The following BMP6 variants were observed in gnomAD, a reference collection of about 807,000 sequenced individuals.
BMP6 encodes the protein VG-1-R.
Under a neutral mutation model 54.1 loss-of-function variants are expected in BMP6, and 17 were observed. The observed-to-expected ratio is 0.31, with a 90% CI of 0.22 to 0.47. The LOEUF is 0.47. Among genes scored for constraint, BMP6 ranks in the 20% least tolerant of loss-of-function variants. The probability of loss-of-function intolerance (pLI) is 1.00; values close to 1 mark genes in which losing one functional copy is unlikely to be tolerated. For synonymous variants in BMP6, 328 were observed against 291.2 expected, an observed-to-expected ratio of 1.13 and a Z score of -1.28; for missense variants, 720 against 690.4, an observed-to-expected ratio of 1.04 and a Z score of -0.48.
intron 1 of BMP6, among the ~76,000 whole-genome samples, chr6:7,735,166 C>T (rs753372191): frequency 6.6e-6 from 1 of 152,242 alleles, no homozygotes; most frequent in South Asian, 2.1e-4. Context: ...ATATCCGCCA[C>T]GGGCCTTATT....
At chr6:7,811,607 G>T (rs937074413) in intron 1 of BMP6, among the ~76,000 whole-genome samples, 1 of 152,134 alleles carries the variant, frequency 6.6e-6, no homozygotes, top group Non-Finnish European at 1.5e-5. Flanking sequence ...TTCTGAAATG[G>T]GGCCTAAGTT....
intron 1 of BMP6, among the ~76,000 whole-genome samples, chr6:7,783,426 A>C (rs1757976425): frequency 6.6e-6 from 1 of 152,202 alleles, no homozygotes; most frequent in Non-Finnish European, 1.5e-5. Context: ...TGGGTCTGAA[A>C]AGTCTTAACT....
At chr6:7,811,306 G>A (rs1758432394) in intron 1 of BMP6, among the ~76,000 whole-genome samples, 1 of 152,302 alleles carries the variant, frequency 6.6e-6, no homozygotes, top group South Asian at 2.1e-4. Flanking sequence ...GGCCCCAGAA[G>A]TCCAGGACAC....
intron 4 of BMP6, among the ~76,000 whole-genome samples, chr6:7,864,683 G>A (rs895273690): frequency 1.3e-5 from 2 of 152,128 alleles, no homozygotes; most frequent in Non-Finnish European, 2.9e-5. Flanking sequence ...TGGAGCTTGA[G>A]GATCCACCGC....
At chr6:7,792,479 C>T (rs1758125699) in intron 1 of BMP6, among the ~76,000 whole-genome samples, 2 of 152,126 alleles carry the variant, frequency 1.3e-5, no homozygotes, top group Non-Finnish European at 2.9e-5. Context: ...CACCTGTGTC[C>T]CCCACTGGAC....
intron 1 of BMP6, among the ~76,000 whole-genome samples, chr6:7,814,779 A>G (rs568341077): frequency 3.9e-5 from 6 of 152,262 alleles, no homozygotes; most frequent in Non-Finnish European, 5.9e-5. Flanking sequence ...ATGAAAACAC[A>G]TGGACACAAG....
intron 1 of BMP6, among the ~76,000 whole-genome samples, chr6:7,838,507 C>G (rs539389117): frequency 1.3e-4 from 20 of 152,282 alleles, no homozygotes; most frequent in African/African-American, 3.4e-4. Context: ...TCATTAGGTC[C>G]AATGCTTTGC....
intron 1 of BMP6, among the ~76,000 whole-genome samples, chr6:7,840,903 A>G (rs1433700139): frequency 6.6e-6 from 1 of 152,212 alleles, no homozygotes; most frequent in Non-Finnish European, 1.5e-5. Flanking sequence ...GGCCTTTCAC[A>G]GAATGCCTCA....
intron 1 of BMP6, among the ~76,000 whole-genome samples, chr6:7,777,101 T>C (rs1581243202): frequency 6.6e-6 from 1 of 152,130 alleles, no homozygotes; most frequent in East Asian, 1.9e-4. Flanking sequence ...AGGGCTCCCA[T>C]GGGGAAGTGG....
intron 2 of BMP6, among the ~76,000 whole-genome samples, chr6:7,850,411 C>T (rs373252213): frequency 7.9e-5 from 12 of 152,240 alleles, no homozygotes; most frequent in East Asian, 3.9e-4. Flanking sequence ...TGGTAATAAA[C>T]ATATATTCTT....
chr6:7,817,735 A>C (rs531413809), intron 1 of BMP6, among the ~76,000 whole-genome samples: 68 of 152,270 alleles, frequency 4.5e-4, no homozygotes, highest in Non-Finnish European at 8.5e-4. Context: ...AAAAAAAAAA[A>C]CTGCCTGATG....
chr6:7,862,553 C>G (rs1759352515), intron 4 of BMP6, 55 bp downstream of exon 4: 8 of 1,599,762 alleles, frequency 5.0e-6, no homozygotes, highest in Middle Eastern at 2.1e-4. Context: ...TCAGTGAGAA[C>G]AAAAGTTGTG....
rs796329957 is a variant in BMP6 at position 7,770,693 on chromosome 6, A to C, written c.664+43074A>C. On this transcript the variant is annotated intron_variant, in intron 1 of 6. Transcript: ENST00000283147. ...TACATCACCTGGGGTGCTCGTAAGG[A>C]TTCCTGAGCTCCTTTCCAGATTTAC... 5.3e-5 allele frequency among the ~76,000 whole-genome samples: 8 copies of C among 152,320 alleles called. 1 individual carries two copies. Among genetic ancestry groups the C allele is most frequent in the East Asian group, 1.9e-4 (1 of 5,186 alleles).
intron 1 of BMP6, among the ~76,000 whole-genome samples, chr6:7,804,098 C>T (rs1219570256): frequency 6.6e-6 from 1 of 152,046 alleles, no homozygotes; most frequent in Non-Finnish European, 1.5e-5. Context: ...GGATTTGTTC[C>T]AGCTGGATCT....
At chr6:7,772,306 T>G (rs1757802026) in intron 1 of BMP6, among the ~76,000 whole-genome samples, 1 of 152,230 alleles carries the variant, frequency 6.6e-6, no homozygotes, top group Non-Finnish European at 1.5e-5. Flanking sequence ...TTACTTTTCT[T>G]GCTTTCTCAC....
chr6:7,752,807 G>T (rs1348806363), intron 1 of BMP6, among the ~76,000 whole-genome samples: 1 of 152,090 alleles, frequency 6.6e-6, no homozygotes, highest in East Asian at 1.9e-4. Context: ...TTATAATTTA[G>T]ATATCAGCAC....
rs542085129 is a variant in BMP6, at chr6:7,802,035, A to G, written c.665-43105A>G. On this transcript the variant is annotated intron_variant, in intron 1 of 6. Transcript: ENST00000283147. Reference sequence around the variant, plus strand: ...GACAGAGATCCAGAGGGTACATTCCAAATCTGCTTCCTGAACACAGAGGAC... The same window carrying G: ...GACAGAGATCCAGAGGGTACATTCCGAATCTGCTTCCTGAACACAGAGGAC... Among the ~76,000 whole-genome samples the G allele has an allele frequency of 5.3e-4, 80 of 152,362 alleles. No individual in the cohort carries two copies. The Middle Eastern group carries it at 0.01, about 19-fold the overall frequency.
chr6:7,727,272 C>T lies in BMP6; in HGVS notation c.317C>T (p.Ala106Val). ...GGCCTCCAACAGCCGCAGCCCCCGG[C>T]GCTCCGGCAGCAGGAGGAGCAGCAG... Reference protein sequence around the residue: ...LHGLQQPQPPALRQQEEQQQQ... With the variant: ...LHGLQQPQPPVLRQQEEQQQQ... Residue 106 changes from alanine (A) to valine (V), a missense_variant, in exon 1 of 7, where the codon GCG becomes GTG. This residue lies in a region of BMP6 where 650 missense variants were observed against 556.3 expected (regional missense o/e 1.17). Coordinates refer to ENST00000283147, the MANE Select transcript of BMP6 (RefSeq NM_001718.6). The T allele has an allele frequency of 1.2e-6, 2 of 1,605,538 alleles. No homozygotes were observed. The highest frequency in any genetic ancestry group is 1.7e-6 in the Non-Finnish European group (2 of 1,176,758).
At position 7,735,768 on chromosome 6, in the gene BMP6, A is replaced by G. The variant is rs192186940; in HGVS notation, c.664+8149A>G. On this transcript the variant is annotated intron_variant, in intron 1 of 6. Coordinates refer to ENST00000283147, the MANE Select transcript of BMP6 (RefSeq NM_001718.6). ...CACATCATTGTCACCTAAAGTCTGT[A>G]GTTACATCCCGGTTCACTCGTAGTG... Among the ~76,000 whole-genome samples the G allele has an allele frequency of 9.7e-4, 147 of 152,302 alleles. 1 individual carries two copies. The highest frequency in any genetic ancestry group is 3.7e-4 in the Non-Finnish European group (25 of 68,026).
Sources: allele counts gnomAD v4.1 joint callset (sites outside exome capture counted in the v4.1 genomes callset), GRCh38; gene constraint gnomAD v4.1.1; regional missense constraint gnomAD v4.1.1; transcripts MANE v1.5; gene names NCBI Gene and HGNC (gene_info 2026-07-23, HGNC 2026-07-21).